Variants in KCTD16 observed in about 807,000 individuals in gnomAD.
KCTD16 encodes the protein potassium channel tetramerization domain containing 16.
In KCTD16, 13 loss-of-function variants were observed where a neutral mutation model predicts 33.2. The observed-to-expected ratio is 0.39, with a 90% CI of 0.25 to 0.62. The LOEUF is 0.62. Ranked by LOEUF, KCTD16 falls within the 20% of genes least tolerant of loss-of-function variation. KCTD16 has a pLI of 0.50. For missense variants in KCTD16, 441 were observed against 525.1 expected (o/e 0.84, Z 1.57); for synonymous variants, 197 against 195.3 (o/e 1.01, Z -0.07).
At chr5:144,445,883 A>T (rs1382906923) in intron 3 of KCTD16, among the ~76,000 whole-genome samples, 2 of 151,886 alleles carry the variant, frequency 1.3e-5, no homozygotes, top group African/African-American at 2.4e-5. Context: ...AACTGCTTCA[A>T]TCCTTCCAGT....
In KCTD16 at chr5:144,423,145, A is replaced by G. The variant is rs535705167; in HGVS notation, c.833-50515A>G. The stretch of plus-strand genomic sequence containing the variant: ...AATGAGCATGGAATGTTTGAGGAAC[A>G]GAAGGAAGGCCAATTTTGCTAGAGT... On this transcript the variant is annotated intron_variant, in intron 3 of 3. Coordinates refer to ENST00000512467, the MANE Select transcript of KCTD16 (RefSeq NM_020768.4). Among the ~76,000 whole-genome samples, 12 of 152,250 alleles carry G rather than the reference A, an allele frequency of 7.9e-5. No homozygotes were observed. In the East Asian group the frequency reaches 2.3e-3, roughly 29 times the overall value.
Position 144,174,465 on chromosome 5 carries a change from A to C in KCTD16, c.-334A>C, listed in dbSNP as rs1417896600. On this transcript the variant is annotated 5_prime_UTR_variant, in exon 2 of 4. Transcript: ENST00000512467. ...CAATGAAACCTGACAATAATGGTAA[A>C]AACCAATGTAAGTGCCAGTGTTTGT... The C allele has an allele frequency of 3.9e-5, 6 of 152,208 alleles. No homozygotes were observed. The allele number at this position is 152,208 out of a possible 1,614,324, so 9.4% of individuals were successfully genotyped here. A position where few individuals can be genotyped will look rare whatever the true frequency, so the allele number is the denominator to read the frequency against.
At chr5:144,444,295 C>T (rs1346988613) in intron 3 of KCTD16, among the ~76,000 whole-genome samples, 2 of 150,274 alleles carry the variant, frequency 1.3e-5, no homozygotes, top group Non-Finnish European at 3.0e-5. Flanking sequence ...TACTTAAGCT[C>T]TTCTATATTA....
At chr5:144,235,318 A>T (rs1754220756) in intron 3 of KCTD16, among the ~76,000 whole-genome samples, 1 of 152,066 alleles carries the variant, frequency 6.6e-6, no homozygotes, top group African/African-American at 2.4e-5. Flanking sequence ...TGGCTTCCTT[A>T]TCCATAGCTA....
At chr5:144,287,824 C>G (rs980761048) in intron 3 of KCTD16, among the ~76,000 whole-genome samples, 2 of 151,900 alleles carry the variant, frequency 1.3e-5, no homozygotes, top group Admixed American at 6.6e-5. Flanking sequence ...TTAGTAGAGT[C>G]GAGGTTTCAC....
At chr5:144,366,593 A>T (rs536894997) in intron 3 of KCTD16, among the ~76,000 whole-genome samples, 2 of 152,258 alleles carry the variant, frequency 1.3e-5, no homozygotes, top group African/African-American at 2.4e-5. Flanking sequence ...AAGCTTCAAG[A>T]TGCTGCTATG....
At chr5:144,182,173 G>T (rs1043683693) in intron 2 of KCTD16, among the ~76,000 whole-genome samples, 8 of 152,024 alleles carry the variant, frequency 5.3e-5, no homozygotes, top group African/African-American at 9.7e-5. Context: ...GTTAGTTATG[G>T]CAGGAGTGGG....
At chr5:144,381,212 C>T (rs148640631) in intron 3 of KCTD16, among the ~76,000 whole-genome samples, 5 of 152,072 alleles carry the variant, frequency 3.3e-5, no homozygotes, top group African/African-American at 9.6e-5. Context: ...CATCAGTAAC[C>T]ATCAGAGAAA....
intron 3 of KCTD16, among the ~76,000 whole-genome samples, chr5:144,424,836 A>G (rs987085342): frequency 1.3e-5 from 2 of 152,162 alleles, no homozygotes; most frequent in East Asian, 3.9e-4. Flanking sequence ...CTCATTGCCT[A>G]TAGATCCCAC....
chr5:144,398,182 A>G (rs1351857450), intron 3 of KCTD16, among the ~76,000 whole-genome samples: 1 of 152,194 alleles, frequency 6.6e-6, no homozygotes, highest in Admixed American at 6.5e-5. Flanking sequence ...CCTATTAATG[A>G]TGCCTTGCTT....
rs528833198 is a variant in KCTD16, at chr5:144,422,189, A to G, written c.833-51471A>G. ...TTAGTATGTAAAACCAGTGAATGCC[A>G]TTAGCTTTGCTGAGCTGATAATCAT... On this transcript the variant is annotated intron_variant, in intron 3 of 3. Coordinates refer to ENST00000512467, the MANE Select transcript of KCTD16 (RefSeq NM_020768.4). Among the ~76,000 whole-genome samples, 37 of 152,280 alleles carry G rather than the reference A, an allele frequency of 2.4e-4. No individual in the cohort carries two copies. The South Asian group carries it at 7.2e-3, about 30-fold the overall frequency.
intron 3 of KCTD16, among the ~76,000 whole-genome samples, chr5:144,473,387 T>C (rs1211538003): frequency 6.6e-6 from 1 of 152,144 alleles, no homozygotes; most frequent in Non-Finnish European, 1.5e-5. Context: ...ATAAATGATG[T>C]TAGCTGGGTA....
Position 144,420,335 on chromosome 5 carries a change from T to C in KCTD16, c.833-53325T>C, listed in dbSNP as rs1293837663. Among the ~76,000 whole-genome samples, 9 of 152,096 alleles carry C rather than the reference T, an allele frequency of 5.9e-5. No individual in the cohort carries two copies. In the East Asian group the frequency reaches 1.7e-3, roughly 29 times the overall value. Reference sequence around the variant, plus strand: ...GCAGATTATGGTGATATTTAGGAAGTGATGGCACACATATACATATGTAAC... The same window carrying C: ...GCAGATTATGGTGATATTTAGGAAGCGATGGCACACATATACATATGTAAC... On this transcript the variant is annotated intron_variant, in intron 3 of 3. Coordinates refer to ENST00000512467, the MANE Select transcript of KCTD16 (RefSeq NM_020768.4).
At chr5:144,248,683 A>G (rs560730130) in intron 3 of KCTD16, among the ~76,000 whole-genome samples, 4 of 152,296 alleles carry the variant, frequency 2.6e-5, no homozygotes, top group Middle Eastern at 3.4e-3. Flanking sequence ...GATAATAGGA[A>G]TGAAGAAGGT....
intron 3 of KCTD16, among the ~76,000 whole-genome samples, chr5:144,295,895 G>A (rs1332186144): frequency 2.0e-5 from 3 of 152,132 alleles, no homozygotes; most frequent in African/African-American, 7.2e-5. Flanking sequence ...AAAAGGCAAG[G>A]AAATGAACTC....
In KCTD16 at chr5:144,174,293, C is replaced by T. The variant is rs1157696408; in HGVS notation, c.-492-14C>T. 2 of 152,140 alleles carry T rather than the reference C, an allele frequency of 1.3e-5. No homozygotes were observed. Among genetic ancestry groups the T allele is most frequent in the African/African-American group, 2.4e-5 (1 of 41,446 alleles). 9.4% of individuals were successfully genotyped at this position (152,140 alleles called of 1,614,324 possible). ...GATATTTTAGAGTTACTTTCTTTCC[C>T]TTCTGTTTTTCAGTTCATATGTCAT... is the stretch of plus-strand genomic sequence containing the variant. On this transcript the variant is annotated splice_polypyrimidine_tract_variant and intron_variant, in intron 1 of 3. Coordinates refer to ENST00000512467, the MANE Select transcript of KCTD16 (RefSeq NM_020768.4).
intron 3 of KCTD16, among the ~76,000 whole-genome samples, chr5:144,232,090 G>A (rs988198550): frequency 3.3e-5 from 5 of 152,110 alleles, no homozygotes; most frequent in African/African-American, 1.2e-4. Context: ...GATGTTAAGA[G>A]TGTTCCAGAA....
chr5:144,225,320 G>A (rs868641483), intron 3 of KCTD16, among the ~76,000 whole-genome samples: 12 of 151,946 alleles, frequency 7.9e-5, no homozygotes, highest in African/African-American at 2.7e-4. Flanking sequence ...AGATTGGGCC[G>A]AAATCTGACA....
chr5:144,289,649 A>G (rs1226923353), intron 3 of KCTD16, among the ~76,000 whole-genome samples: 1 of 152,202 alleles, frequency 6.6e-6, no homozygotes, highest in Non-Finnish European at 1.5e-5. Context: ...TGAAGGTAAT[A>G]ACACATGCTC....
Sources: allele counts gnomAD v4.1 joint callset (sites outside exome capture counted in the v4.1 genomes callset), GRCh38; gene constraint gnomAD v4.1.1; transcripts MANE v1.5; gene names NCBI Gene and HGNC (gene_info 2026-07-23, HGNC 2026-07-21).